The following PRKN variants were observed in gnomAD, a reference collection of about 807,000 sequenced individuals.
The protein encoded by PRKN is E3 ubiquitin-protein ligase parkin.
Under a neutral mutation model 59.5 loss-of-function variants are expected in PRKN, and 56 were observed. The ratio of observed to expected loss-of-function variants is 0.94; its 90% CI spans 0.76 to 1.18. The LOEUF is 1.18. PRKN is among the 50% of genes most tolerant of loss of function. The probability of loss-of-function intolerance (pLI) is 0.00; values close to 1 mark genes in which losing one functional copy is unlikely to be tolerated. For missense variants in PRKN, 657 were observed against 596.4 expected (o/e 1.10, Z -1.06); for synonymous variants, 250 against 222.1 (o/e 1.13, Z -1.12).
chr6:162,078,461 T>C (rs1387662947), intron 4 of PRKN, among the ~76,000 whole-genome samples: 2 of 152,094 alleles, frequency 1.3e-5, no homozygotes, highest in East Asian at 3.8e-4. Flanking sequence ...TCCCAAATTA[T>C]GCTCTGGTTT....
intron 1 of PRKN, among the ~76,000 whole-genome samples, chr6:162,647,385 T>C (rs1778227951): frequency 6.6e-6 from 1 of 152,136 alleles, no homozygotes; most frequent in Admixed American, 6.5e-5. Context: ...TGGAGGGCTA[T>C]TTTAGACTTA....
chr6:162,666,269 T>C (rs1779099794), intron 1 of PRKN, among the ~76,000 whole-genome samples: 1 of 152,140 alleles, frequency 6.6e-6, no homozygotes, highest in Non-Finnish European at 1.5e-5. Flanking sequence ...AGGATCATTA[T>C]AATGGTATAT....
At position 161,704,151 on chromosome 6, in the gene PRKN, C is replaced by T. The variant is rs371154178; in HGVS notation, c.871+81621G>A. ...GATTGCAGGTGTTAGCCACCACGCC[C>T]GGCCGAGGACATGCATCTTTGTTTA... On this transcript the variant is annotated intron_variant, in intron 7 of 11. Transcript: ENST00000366898. Among the ~76,000 whole-genome samples the T allele has an allele frequency of 3.3e-5, 5 of 152,162 alleles. No homozygotes were observed. In the East Asian group the frequency reaches 5.8e-4, roughly 18 times the overall value.
rs1253293538 is a variant in PRKN at position 161,373,934 on chromosome 6, C to G, written c.1167+12860G>C. Among the ~76,000 whole-genome samples, 1 of 152,168 alleles carries G rather than the reference C, an allele frequency of 6.6e-6. No homozygotes were observed. The highest frequency in any genetic ancestry group is 1.5e-5 in the Non-Finnish European group (1 of 68,034). The stretch of plus-strand genomic sequence containing the variant: ...CCCTCTTGCCTGTTGTCGGCTGGGC[C>G]ACTATGCAGGCGTGGCTGGGGTGCC... On this transcript the variant is annotated intron_variant, in intron 10 of 11. Coordinates refer to ENST00000366898, the MANE Select transcript of PRKN (RefSeq NM_004562.3). This position sits in a 1 kb window ranked among gnomAD's most constrained non-coding sequence, Gnocchi z 4.8.
chr6:162,636,435 C>CA (rs1268528224), intron 1 of PRKN, among the ~76,000 whole-genome samples: 2 of 152,140 alleles, frequency 1.3e-5, no homozygotes, highest in Non-Finnish European at 2.9e-5. Flanking sequence ...CTAACCTTCC[C>CA]ATTTTACAAA....
intron 4 of PRKN, among the ~76,000 whole-genome samples, chr6:162,115,401 C>T (rs924434505): frequency 7.9e-5 from 12 of 151,848 alleles, no homozygotes; most frequent in African/African-American, 2.2e-4. Flanking sequence ...TGCTAGATGA[C>T]GAGTTAGTGG....
At chr6:162,352,241 T>C (rs1339959060) in intron 2 of PRKN, among the ~76,000 whole-genome samples, 1 of 152,166 alleles carries the variant, frequency 6.6e-6, no homozygotes, top group African/African-American at 2.4e-5. Context: ...CAGGGGGCCC[T>C]GAGAACCAGA....
At chr6:162,576,750 T>C (rs1260700464) in intron 1 of PRKN, among the ~76,000 whole-genome samples, 1 of 144,832 alleles carries the variant, frequency 6.9e-6, no homozygotes, top group Non-Finnish European at 1.5e-5. Context: ...GAGGCGGAGG[T>C]TGCAGTGAGA....
chr6:161,990,883 A>T (rs1170602670), intron 5 of PRKN, among the ~76,000 whole-genome samples: 1 of 152,216 alleles, frequency 6.6e-6, no homozygotes, highest in Non-Finnish European at 1.5e-5. Context: ...AGACTTAGAC[A>T]TCCAGATACA....
rs1790268595 is a variant in PRKN, at chr6:161,462,521, G to A, written c.1084-75644C>T. ...TGTTTGACCAGTCATTAAAATGTGTGTCTTTCTGGAAAAATATTCTCTGAA... is the reference window on the plus strand; with the variant it reads ...TGTTTGACCAGTCATTAAAATGTGTATCTTTCTGGAAAAATATTCTCTGAA... On this transcript the variant is annotated intron_variant, in intron 9 of 11. Transcript: ENST00000366898. The surrounding 1 kb of genome is among the most constrained non-coding windows in gnomAD (Gnocchi z 4.5). 6.6e-6 allele frequency among the ~76,000 whole-genome samples: 1 copy of A among 152,062 alleles called. No individual in the cohort carries two copies. Among genetic ancestry groups the A allele is most frequent in the Non-Finnish European group, 1.5e-5 (1 of 68,014 alleles).
intron 4 of PRKN, among the ~76,000 whole-genome samples, chr6:162,195,947 T>A (rs990550324): frequency 6.6e-6 from 1 of 152,208 alleles, no homozygotes; most frequent in African/African-American, 2.4e-5. Flanking sequence ...GTCAATTCTA[T>A]CTTCTAATTA....
At chr6:161,666,835 G>A (rs1006288604) in intron 7 of PRKN, among the ~76,000 whole-genome samples, 5 of 152,150 alleles carry the variant, frequency 3.3e-5, no homozygotes, top group African/African-American at 9.7e-5. Flanking sequence ...ACTTTGGAAT[G>A]GCCAGGGAGT....
intron 4 of PRKN, among the ~76,000 whole-genome samples, chr6:162,109,573 G>A (rs1780335355): frequency 6.6e-6 from 1 of 152,182 alleles, no homozygotes; most frequent in Non-Finnish European, 1.5e-5. Context: ...TTGACTCCAT[G>A]AGCTCAGCAG....
At chr6:161,819,026 C>A (rs548143879) in intron 6 of PRKN, among the ~76,000 whole-genome samples, 3 of 152,094 alleles carry the variant, frequency 2.0e-5, no homozygotes, top group Non-Finnish European at 2.9e-5. Flanking sequence ...CAACGCACTG[C>A]GGTTATGTTC....
At chr6:162,025,282 C>A (rs148489886) in intron 5 of PRKN, among the ~76,000 whole-genome samples, 2 of 152,038 alleles carry the variant, frequency 1.3e-5, no homozygotes, top group Admixed American at 6.6e-5. Flanking sequence ...GGATTACAGG[C>A]GTGAGCCACC....
In PRKN at chr6:162,212,936, A is replaced by G. The variant is rs73020781; in HGVS notation, c.413-11684T>C. On this transcript the variant is annotated intron_variant, in intron 3 of 11. Transcript: ENST00000366898. The stretch of plus-strand genomic sequence containing the variant: ...GTGACATTATGAGGGCTATGATATG[A>G]CTGGGTGATAGAAACTTTTTAGCTC... 5.7e-3 allele frequency among the ~76,000 whole-genome samples: 875 copies of G among 152,320 alleles called. 8 individuals are homozygous for G. The highest frequency in any genetic ancestry group is 0.029 in the East Asian group (148 of 5,176).
chr6:161,716,199 C>T, intron 7 of PRKN: 3 of 724,296 alleles, frequency 4.1e-6, no homozygotes, highest in Middle Eastern at 5.6e-4. Flanking sequence ...ATCTGATGCT[C>T]TTTTCATATT....
intron 9 of PRKN, among the ~76,000 whole-genome samples, chr6:161,404,941 T>C (rs577119447): frequency 6.6e-6 from 1 of 152,312 alleles, no homozygotes; most frequent in South Asian, 2.1e-4. Flanking sequence ...CAGAAAAGTA[T>C]ATGTTTCTGT....
At position 161,462,563 on chromosome 6, in the gene PRKN, A is replaced by C. The variant is rs1790271125; in HGVS notation, c.1084-75686T>G. 6.6e-6 allele frequency among the ~76,000 whole-genome samples: 1 copy of C among 152,194 alleles called. No homozygotes were observed. The highest frequency in any genetic ancestry group is 1.5e-5 in the Non-Finnish European group (1 of 68,034). ...TTCTCTGAAGTGAAATGACACCATGATGTCTGATCAGCAATATAGCTCACC... is the reference window on the plus strand; with the variant it reads ...TTCTCTGAAGTGAAATGACACCATGCTGTCTGATCAGCAATATAGCTCACC... On this transcript the variant is annotated intron_variant, in intron 9 of 11. Transcript: ENST00000366898. The surrounding 1 kb of genome is among the most constrained non-coding windows in gnomAD (Gnocchi z 4.5).
Sources: allele counts gnomAD v4.1 joint callset (sites outside exome capture counted in the v4.1 genomes callset), GRCh38; gene constraint gnomAD v4.1.1; non-coding constraint Gnocchi (gnomAD v3.1); transcripts MANE v1.5; gene names NCBI Gene and HGNC (gene_info 2026-07-23, HGNC 2026-07-21).